TEX15: variants seen among roughly 807,000 people sequenced by gnomAD.
TEX15 encodes the protein testis expressed 15, meiosis and synapsis associated.
Under a neutral mutation model 237.3 loss-of-function variants are expected in TEX15, and 171 were observed. The observed-to-expected ratio is 0.72, with a 90% CI of 0.64 to 0.82. The LOEUF (loss-of-function observed/expected upper bound fraction) is 0.82. Among genes scored for constraint, TEX15 ranks in the 40% least tolerant of loss-of-function variants. TEX15 has a pLI of 0.00. For synonymous variants in TEX15, 1,338 were observed against 1,269.8 expected, an observed-to-expected ratio of 1.05 and a Z score of -1.14; for missense variants, 3,750 against 3,646.5, an observed-to-expected ratio of 1.03 and a Z score of -0.73.
rs762231488 is a variant in TEX15, at chr8:30,848,244, T to C, written c.1923A>G (p.Lys641=). 7.1e-5 allele frequency: 114 copies of C among 1,612,154 alleles called. 2 individuals carry two copies. In the Middle Eastern group the frequency reaches 8.2e-4, roughly 12 times the overall value. ...CATTAGTGAAATCATTATCAATTTC[T>C]TTCCATGAAGTTTGCTTTTCTTCAT... ...SKHEEKQTSW[K]EIDNDFTNET... Residue 641 remains lysine (K), a synonymous_variant, in exon 8 of 11, where the codon AAA becomes AAG. Coordinates refer to ENST00000643185, the MANE Select transcript of TEX15 (RefSeq NM_001350162.2).
intron 3 of TEX15, among the ~76,000 whole-genome samples, chr8:30,883,083 GT>G (rs1808565170): frequency 1.3e-5 from 2 of 151,900 alleles, no homozygotes; most frequent in Non-Finnish European, 2.9e-5. Context: ...GTAGTTTTTT[GT>G]TTTTTAATGT....
intron 5 of TEX15, among the ~76,000 whole-genome samples, chr8:30,861,715 A>AT (rs1347267777): frequency 2.0e-5 from 3 of 152,180 alleles, no homozygotes; most frequent in Non-Finnish European, 4.4e-5. Context: ...ATCTAACATT[A>AT]TTCTAAGCTA....
rs1193036837 is a variant in TEX15, at chr8:30,833,321, G to C, written c.9484C>G (p.Pro3162Ala). The C allele has an allele frequency of 1.9e-6, 3 of 1,594,472 alleles. No individual in the cohort carries two copies. Among genetic ancestry groups the C allele is most frequent in the African/African-American group, 2.7e-5 (2 of 74,044 alleles). The change falls in exon 11 of 11, where the codon CCA becomes GCA. Residue 3162 changes from proline (P) to alanine (A), a missense_variant and splice_region_variant. Physicochemically the swap from Pro to Ala is conservative, Grantham distance 27. Transcript: ENST00000643185. Reference protein sequence around the residue: ...VPPEVPWVYAPWHQESFHPGH With the variant: ...VPPEVPWVYAAWHQESFHPGH ...GGATGAAAGGATTCTTGGTGCCATGGAGCTGGAAGAAAAAACACCACAAAG... is the reference window on the plus strand; with the variant it reads ...GGATGAAAGGATTCTTGGTGCCATGCAGCTGGAAGAAAAAACACCACAAAG...
At chr8:30,834,813 G>A (rs1377599993) in intron 10 of TEX15, among the ~76,000 whole-genome samples, 1 of 152,164 alleles carries the variant, frequency 6.6e-6, no homozygotes, top group Non-Finnish European at 1.5e-5. Flanking sequence ...TAGTGAATCA[G>A]TGATATAACT....
At chr8:30,908,312 G>A (rs948037654) in intron 1 of TEX15, among the ~76,000 whole-genome samples, 2 of 151,934 alleles carry the variant, frequency 1.3e-5, no homozygotes, top group Non-Finnish European at 2.9e-5. Context: ...CTCCTGCCTC[G>A]GCATCCCAAA....
In TEX15 at chr8:30,831,948, G is replaced by T. The variant is rs747299948; in HGVS notation, c.*1338C>A. The T allele has an allele frequency of 6.6e-6, 1 of 152,198 alleles. No individual in the cohort carries two copies. Among genetic ancestry groups the T allele is most frequent in the African/African-American group, 2.4e-5 (1 of 41,462 alleles). 9.4% of individuals were successfully genotyped at this position (152,198 alleles called of 1,614,324 possible). ...CAAATAAAACTGCATGGACCAAATA[G>T]AAATGTTTTTTAAATATTGTTTTAA... is the stretch of plus-strand genomic sequence containing the variant. On this transcript the variant is annotated 3_prime_UTR_variant, in exon 11 of 11. Transcript: ENST00000643185.
At chr8:30,911,935 G>A (rs1809228237) in intron 1 of TEX15, among the ~76,000 whole-genome samples, 1 of 152,128 alleles carries the variant, frequency 6.6e-6, no homozygotes, top group Admixed American at 6.5e-5. Context: ...GACCCGAGGG[G>A]TTTCACTCCC....
chr8:30,901,562 A>G (rs1809006837), intron 1 of TEX15, among the ~76,000 whole-genome samples: 1 of 152,242 alleles, frequency 6.6e-6, no homozygotes, highest in African/African-American at 2.4e-5. Flanking sequence ...CCCATTCTTC[A>G]GGAAATTGTA....
chr8:30,904,245 G>C (rs968814598), intron 1 of TEX15, among the ~76,000 whole-genome samples: 1 of 152,084 alleles, frequency 6.6e-6, no homozygotes, highest in African/African-American at 2.4e-5. Flanking sequence ...TCAGGAGTTT[G>C]AGACCAGCCT....
chr8:30,898,891 CTTCATT>C (rs1224333938), intron 1 of TEX15, 74 bp from the exon 2 acceptor site: 1 of 152,072 alleles, frequency 6.6e-6, no homozygotes, highest in African/African-American at 2.4e-5. Flanking sequence ...ATAATTATCT[CTTCATT>C]GTCTTCTCTA....
In TEX15 at chr8:30,843,549, T is replaced by C. The variant is rs1410938625; in HGVS notation, c.6618A>G (p.Glu2206=). Residue 2206 remains glutamate (E), a synonymous_variant, in exon 8 of 11, where the codon GAA becomes GAG. Transcript: ENST00000643185. ...TCGVNFGDSL[E]DLEILRKSTL... ...TACTTTTTCTTAAGATTTCCAGGTC[T>C]TCTAAACTATCTCCAAAGTTAACTC... is the stretch of plus-strand genomic sequence containing the variant. The C allele has an allele frequency of 1.2e-6, 2 of 1,613,212 alleles. No individual in the cohort carries two copies. The highest frequency in any genetic ancestry group is 1.3e-5 in the African/African-American group (1 of 75,010).
chr8:30,846,209 G>A lies in TEX15; in HGVS notation c.3958C>T (p.Arg1320Ter), dbSNP rs141978088. The A allele has an allele frequency of 2.8e-4, 451 of 1,613,032 alleles. 1 individual carries two copies. The highest frequency in any genetic ancestry group is 6.2e-4 in the East Asian group (28 of 44,854). ...DQNIPHKDLRRHKIYGRKRRL... is the reference protein window; with the variant it reads ...DQNIPHKDLR ...CTCTTTCTCCCATAAATTTTATGTC[G>A]TCTTAAATCTTTATGTGGTATGTTC... The change falls in exon 8 of 11, where the codon CGA becomes TGA. Residue 1320 changes from arginine (R) to a stop codon, truncating the protein, a stop_gained. Coordinates refer to ENST00000643185, the MANE Select transcript of TEX15 (RefSeq NM_001350162.2). LOFTEE classifies it high-confidence loss of function.
In TEX15 at chr8:30,848,162, T is replaced by C. The variant is rs1170273711; in HGVS notation, c.2005A>G (p.Ser669Gly). 4 of 1,610,736 alleles carry C rather than the reference T, an allele frequency of 2.5e-6. No homozygotes were observed. The highest frequency in any genetic ancestry group is 3.4e-6 in the Non-Finnish European group (4 of 1,179,108). ...YIVLHQEYKESESHNSFGKSC... is the reference protein window; with the variant it reads ...YIVLHQEYKEGESHNSFGKSC... ...TTCCCAAAAGAATTATGACTCTCAC[T>C]CTCTTTGTATTCTTGGTGCAAAACA... is the stretch of plus-strand genomic sequence containing the variant. Residue 669 changes from serine (S) to glycine (G), a missense_variant, in exon 8 of 11, where the codon AGT becomes GGT. By Grantham distance (56) the Ser-to-Gly change is moderately conservative. Coordinates refer to ENST00000643185, the MANE Select transcript of TEX15 (RefSeq NM_001350162.2).
chr8:30,867,319 G>A lies in TEX15; in HGVS notation c.486C>T (p.Ala162=), dbSNP rs982818932. The A allele has an allele frequency of 5.9e-6, 9 of 1,522,768 alleles. No homozygotes were observed. Among genetic ancestry groups the A allele is most frequent in the Non-Finnish European group, 7.9e-6 (9 of 1,135,222 alleles). The allele number at this position is 1,522,768 out of a possible 1,614,324, so 94.3% of individuals were successfully genotyped here. A position where few individuals can be genotyped will look rare whatever the true frequency, so the allele number is the denominator to read the frequency against. ...GIYMFRHVDI[A]LNYSHSQSIT... ...TGCTTTGACTATGAGAATAATTCAA[G>A]GCAATATCAACATGTCTAAACATAT... Residue 162 remains alanine (A), a synonymous_variant, in exon 5 of 11, where the codon GCC becomes GCT. Transcript: ENST00000643185.
chr8:30,888,025 C>A (rs1294461039), intron 2 of TEX15, among the ~76,000 whole-genome samples: 1 of 150,384 alleles, frequency 6.6e-6, no homozygotes, highest in Admixed American at 6.6e-5. Context: ...CAAAAACTTA[C>A]ACCCATAACA....
Position 30,842,965 on chromosome 8 carries a change from A to T in TEX15, c.7202T>A (p.Leu2401Ter), listed in dbSNP as rs1408196762. 1.5e-5 allele frequency: 24 copies of T among 1,610,254 alleles called. No homozygotes were observed. Among genetic ancestry groups the T allele is most frequent in the South Asian group, 2.2e-5 (2 of 90,256 alleles). Residue 2401 changes from leucine to a stop codon, truncating the protein, a stop_gained, in exon 8 of 11, where the codon TTA becomes TAA. Transcript: ENST00000643185. LOFTEE classifies it high-confidence loss of function. ...TLRCTDHLEI[L>*]KKYFQMLQDN... ...TTGTAGCATCTGAAAGTATTTTTTTAAAATTTCTAAGTGATCTGTACATCT... is the reference window on the plus strand; with the variant it reads ...TTGTAGCATCTGAAAGTATTTTTTTTAAATTTCTAAGTGATCTGTACATCT...
At position 30,849,193 on chromosome 8, in the gene TEX15, C is replaced by A; in HGVS notation, c.974G>T (p.Cys325Phe). 2.6e-6 allele frequency: 4 copies of A among 1,538,188 alleles called. No individual in the cohort carries two copies. The highest frequency in any genetic ancestry group is 3.5e-6 in the Non-Finnish European group (4 of 1,147,046). The change falls in exon 8 of 11, where the codon TGC becomes TTC. Residue 325 changes from cysteine to phenylalanine, a missense_variant. Coordinates refer to ENST00000643185, the MANE Select transcript of TEX15 (RefSeq NM_001350162.2). ...VDPFVQENCL[C>F]NALNSEINPF... Reference sequence around the variant, plus strand: ...ATTTATCTCTGAATTTAGTGCATTGCATAAACAGTTTTCTTGAACAAATGG... The same window carrying A: ...ATTTATCTCTGAATTTAGTGCATTGAATAAACAGTTTTCTTGAACAAATGG...
intron 10 of TEX15, among the ~76,000 whole-genome samples, chr8:30,836,205 GTTTTTTTTTTTTTTT>G (rs33984716): frequency 2.3e-5 from 1 of 43,264 alleles, no homozygotes; most frequent in Non-Finnish European, 3.9e-5. Context: ...TCACTGTATC[GTTTTTTTTTTTTTTT>G]TTTTTTTTTT....
At chr8:30,888,703 A>G (rs753177189) in intron 2 of TEX15, 3 of 1,243,530 alleles carry the variant, frequency 2.4e-6, no homozygotes, top group Non-Finnish European at 3.2e-6. Context: ...TTAGATCACA[A>G]TCCAAATTAA....
Sources: gnomAD v4.1 joint callset for allele counts (sites outside exome capture counted in the v4.1 genomes callset) on GRCh38, gnomAD v4.1.1 for gene constraint, MANE v1.5 for transcripts, NCBI Gene and HGNC (gene_info 2026-07-23, HGNC 2026-07-21) for gene names.